PLB1: variants seen among roughly 807,000 people sequenced by gnomAD.
The protein encoded by PLB1 is phospholipase B1, also known as phospholipase B1, membrane-associated.
A neutral mutation model predicts 227.4 loss-of-function variants in PLB1; 242 were observed. That is an observed-to-expected ratio of 1.06 (90% CI 0.96 to 1.18). The LOEUF (loss-of-function observed/expected upper bound fraction) is 1.18, where lower values mean the gene tolerates loss of function less well. Among genes scored for constraint, PLB1 ranks in the 50% most tolerant of loss-of-function variants. PLB1 has a pLI of 0.00. For synonymous variants in PLB1, 757 were observed against 682.2 expected, an observed-to-expected ratio of 1.11 and a Z score of -1.71; for missense variants, 1,858 against 1,816.3, an observed-to-expected ratio of 1.02 and a Z score of -0.42.
chr2:28,626,014 T>A (rs894840333), intron 50 of PLB1, among the ~76,000 whole-genome samples: 5 of 150,666 alleles, frequency 3.3e-5, no homozygotes, highest in East Asian at 1.9e-4. Context: ...TTTTTTTTTT[T>A]AGACGGAGTC....
At position 28,589,451 on chromosome 2, in the gene PLB1, A is replaced by G; in HGVS notation, c.1817A>G (p.Glu606Gly). The change falls in exon 27 of 58, where the codon GAG becomes GGG. Residue 606 changes from glutamate (E) to glycine (G), a missense_variant and splice_region_variant. Glu to Gly is a moderately conservative substitution (Grantham distance 98, BLOSUM62 -2). Coordinates refer to ENST00000327757, the MANE Select transcript of PLB1 (RefSeq NM_153021.5). ...ATCTGTCCCCTTTTCCTCCTGCAGG[A>G]GAAGACCCACCAACTGATTGAGAGT... ...TLIEFNKKFQ[E>G]KTHQLIESGR... The G allele has an allele frequency of 1.2e-6, 2 of 1,613,968 alleles. No individual in the cohort carries two copies. The highest frequency in any genetic ancestry group is 4.5e-5 in the East Asian group (2 of 44,878).
chr2:28,541,902 G>T (rs1672548594), intron 13 of PLB1, 91 bp downstream of exon 13: 3 of 1,020,374 alleles, frequency 2.9e-6, no homozygotes, highest in Non-Finnish European at 4.5e-6. Context: ...GGAGGCCGAG[G>T]TGGGTGGATT....
At chr2:28,577,989 T>C in intron 21 of PLB1, 118 bp from the exon 22 acceptor site, 1 of 941,414 alleles carries the variant, frequency 1.1e-6, no homozygotes, top group Non-Finnish European at 1.7e-6. Flanking sequence ...CAGTCCATTT[T>C]CCTGCAGGAG....
chr2:28,642,352 G>A (rs1255964361), intron 57 of PLB1, among the ~76,000 whole-genome samples: 1 of 152,192 alleles, frequency 6.6e-6, no homozygotes, highest in African/African-American at 2.4e-5. Context: ...AGAGGAGAGT[G>A]GAGAGGGGCA....
intron 43 of PLB1, among the ~76,000 whole-genome samples, chr2:28,607,285 T>C (rs1444744269): frequency 3.9e-5 from 6 of 152,192 alleles, no homozygotes; most frequent in African/African-American, 1.4e-4. Context: ...TGACCCAATC[T>C]GGGAGGCTGG....
chr2:28,529,138 T>C (rs1670670837), intron 6 of PLB1, among the ~76,000 whole-genome samples, 179 bp from the exon 7 acceptor site: 1 of 151,488 alleles, frequency 6.6e-6, no homozygotes. Flanking sequence ...AGAGACAGGG[T>C]TTTGCTCTGT....
intron 11 of PLB1, 41 bp from the exon 12 acceptor site, chr2:28,540,325 C>CTG: frequency 1.9e-6 from 3 of 1,574,010 alleles, no homozygotes; most frequent in Non-Finnish European, 1.7e-6. Flanking sequence ...CCTGCCCACA[C>CTG]TGCCTCCCCT....
intron 33 of PLB1, among the ~76,000 whole-genome samples, chr2:28,597,156 C>T (rs576126631): frequency 2.7e-5 from 4 of 148,340 alleles, no homozygotes; most frequent in South Asian, 2.1e-4. Context: ...CCCAGCTACT[C>T]GGGAGGCTGA....
intron 1 of PLB1, among the ~76,000 whole-genome samples, chr2:28,505,584 G>C (rs762880443): frequency 6.6e-6 from 1 of 152,108 alleles, no homozygotes; most frequent in Non-Finnish European, 1.5e-5. Flanking sequence ...CAAAACCAAC[G>C]GTGGGAGCTG....
At chr2:28,633,078 G>A (rs780936421) in intron 56 of PLB1, 39 bp downstream of exon 56, 11 of 1,530,292 alleles carry the variant, frequency 7.2e-6, no homozygotes, top group Admixed American at 1.7e-5. Context: ...GTCAAGGGGG[G>A]ATCTAAGGAT....
chr2:28,505,130 G>A (rs987007341), intron 1 of PLB1, among the ~76,000 whole-genome samples: 28 of 152,160 alleles, frequency 1.8e-4, no homozygotes, highest in African/African-American at 6.8e-4. Flanking sequence ...CTTTAAGATG[G>A]TCTGTGCTAT....
intron 17 of PLB1, among the ~76,000 whole-genome samples, chr2:28,558,394 TTGAC>T (rs1675491734): frequency 6.6e-6 from 1 of 152,214 alleles, no homozygotes; most frequent in South Asian, 2.1e-4. Flanking sequence ...AATACAGTGT[TTGAC>T]TGTTATCACC....
At chr2:28,502,851 G>A (rs1277145401) in intron 1 of PLB1, among the ~76,000 whole-genome samples, 1 of 152,022 alleles carries the variant, frequency 6.6e-6, no homozygotes, top group African/African-American at 2.4e-5. Flanking sequence ...GAAGCCATCT[G>A]GGCCTGGAAT....
At chr2:28,618,202 CA>C in intron 45 of PLB1, 138 bp from the exon 46 acceptor site, 1 of 812,638 alleles carries the variant, frequency 1.2e-6, no homozygotes, top group Non-Finnish European at 2.0e-6. Context: ...ATGGGAGGGG[CA>C]AAACTGCTAA....
At chr2:28,636,011 ATGTATGAATG>A (rs1689271909) in intron 56 of PLB1, among the ~76,000 whole-genome samples, 1 of 98,516 alleles carries the variant, frequency 1.0e-5, no homozygotes, top group African/African-American at 3.4e-5. Context: ...ATGTGTATGT[ATGTATGAATG>A]TGTGTGTATG....
At chr2:28,633,207 C>T (rs1211566585) in intron 56 of PLB1, 168 bp downstream of exon 56, 2 of 588,510 alleles carry the variant, frequency 3.4e-6, no homozygotes, top group Admixed American at 3.3e-5. Context: ...GGAAAATACC[C>T]TATATTTATC....
chr2:28,590,219 A>G (rs1285185230), intron 29 of PLB1, 143 bp downstream of exon 29: 4 of 737,234 alleles, frequency 5.4e-6, no homozygotes, highest in Non-Finnish European at 9.2e-6. Context: ...CAAATGCCCC[A>G]TCTGGTTGTA....
intron 25 of PLB1, among the ~76,000 whole-genome samples, chr2:28,585,361 C>T (rs1427825188): frequency 3.3e-5 from 5 of 152,052 alleles, no homozygotes; most frequent in South Asian, 2.1e-4. Context: ...CTGCAACCTC[C>T]GCCTCCCGGG....
chr2:28,597,950 T>G lies in PLB1; in HGVS notation c.2322-55T>G. On this transcript the variant is annotated intron_variant, in intron 33 of 57. Transcript: ENST00000327757. Reference sequence around the variant, plus strand: ...CTGCTCTTGTGTAAAGTTCCTAGATTGATTCAACCAATATGTCTCTCCCTC... The same window carrying G: ...CTGCTCTTGTGTAAAGTTCCTAGATGGATTCAACCAATATGTCTCTCCCTC... 3 of 1,534,654 alleles carry G rather than the reference T, an allele frequency of 2.0e-6. No individual in the cohort carries two copies. In the South Asian group the frequency reaches 3.4e-5, roughly 17 times the overall value.
Sources: allele counts gnomAD v4.1 joint callset (sites outside exome capture counted in the v4.1 genomes callset), GRCh38; gene constraint gnomAD v4.1.1; transcripts MANE v1.5; gene names NCBI Gene and HGNC (gene_info 2026-07-23, HGNC 2026-07-21).